The following VSIG1 variants were observed in gnomAD, a reference collection of about 807,000 sequenced individuals.
The protein encoded by VSIG1 is V-set and immunoglobulin domain-containing protein 1.
Under a neutral mutation model 20.1 loss-of-function variants are expected in VSIG1, and 11 were observed. The ratio of observed to expected loss-of-function variants is 0.55; its 90% CI spans 0.34 to 0.91. VSIG1 has a LOEUF of 0.91. VSIG1 is among the 40% of genes least tolerant of loss of function. VSIG1 has a pLI of 0.02. For synonymous variants in VSIG1, 126 were observed against 116.7 expected, an observed-to-expected ratio of 1.08 and a Z score of -0.52; for missense variants, 283 against 298.8, an observed-to-expected ratio of 0.95 and a Z score of 0.39.
chrX:108,027,315 T>C, the VSIG1 span, among the ~76,000 whole-genome samples: 1 of 112,244 alleles, frequency 8.9e-6, no homozygotes, highest in Admixed American at 9.5e-5. Flanking sequence ...AATGGAATAT[T>C]ATTTGGCCAT....
At chrX:108,050,078 G>T (rs1177501488) in intron 1 of VSIG1, among the ~76,000 whole-genome samples, 2 of 112,276 alleles carry the variant, frequency 1.8e-5, no homozygotes, top group Non-Finnish European at 3.8e-5. Flanking sequence ...CCAGCTTCTG[G>T]CAGGAAAGCA....
upstream of VSIG1, among the ~76,000 whole-genome samples, chrX:108,042,292 C>T (rs751523639): frequency 2.7e-5 from 3 of 111,571 alleles, no homozygotes; most frequent in Admixed American, 2.9e-4. Context: ...GGGCAATATC[C>T]TTAAATCATA....
intron 3 of VSIG1, among the ~76,000 whole-genome samples, chrX:108,072,176 T>C (rs1434216717): frequency 9.1e-6 from 1 of 110,267 alleles, no homozygotes; most frequent in African/African-American, 3.3e-5. Flanking sequence ...GCCTCTTGAC[T>C]AGAAGGGCCC....
intron 5 of VSIG1, chrX:108,073,753 T>G (rs1045062059): frequency 8.2e-6 from 1 of 122,189 alleles, no homozygotes; most frequent in Non-Finnish European, 1.7e-5. Context: ...CTGCCACTAA[T>G]AATAATAGTA....
At chrX:108,075,980 CT>C in intron 5 of VSIG1, 96 bp from the exon 6 acceptor site, 2 of 1,068,897 alleles carry the variant, frequency 1.9e-6, no homozygotes, top group Non-Finnish European at 2.5e-6. Context: ...CATTTTCCCA[CT>C]ATGTGAATGG....
intron 1 of VSIG1, among the ~76,000 whole-genome samples, chrX:108,046,346 C>T (rs780666575): frequency 8.1e-5 from 9 of 111,663 alleles, no homozygotes; most frequent in Admixed American, 2.8e-4. Flanking sequence ...ACACATGTTC[C>T]TATTTTCCCT....
At chrX:108,037,244 C>A in the VSIG1 span, among the ~76,000 whole-genome samples, 255 of 112,216 alleles carry the variant, frequency 2.3e-3, no homozygotes, top group African/African-American at 7.6e-3. Context: ...TTATACAAAA[C>A]CACAAAATAT....
At chrX:108,029,654 A>C in the VSIG1 span, among the ~76,000 whole-genome samples, 1 of 112,178 alleles carries the variant, frequency 8.9e-6, no homozygotes, top group Non-Finnish European at 1.9e-5. Flanking sequence ...CAGATTTATC[A>C]CACCCTTGCT....
upstream of VSIG1, among the ~76,000 whole-genome samples, chrX:108,044,809 G>A (rs779325269): frequency 8.9e-6 from 1 of 111,989 alleles, no homozygotes; most frequent in African/African-American, 3.2e-5. Flanking sequence ...CAAGTACAAC[G>A]TTTTAGTAAG....
intron 2 of VSIG1, among the ~76,000 whole-genome samples, chrX:108,061,774 A>T (rs12009241): frequency 0.011 from 1,240 of 110,247 alleles, 23 homozygotes; most frequent in African/African-American, 0.038. Flanking sequence ...GGCAGTGGCC[A>T]GCTCTTTCCA....
the VSIG1 span, among the ~76,000 whole-genome samples, chrX:108,025,197 C>T: frequency 3.6e-5 from 4 of 111,927 alleles, no homozygotes; most frequent in Non-Finnish European, 5.7e-5. Flanking sequence ...TCAATGGAAA[C>T]GTATCTTTTG....
chrX:108,031,975 A>G, the VSIG1 span, among the ~76,000 whole-genome samples: 3 of 111,973 alleles, frequency 2.7e-5, no homozygotes, highest in African/African-American at 9.7e-5. Flanking sequence ...CTCTGGCCCC[A>G]TATGGTAAAG....
chrX:108,030,768 C>G, the VSIG1 span, among the ~76,000 whole-genome samples: 2 of 111,564 alleles, frequency 1.8e-5, no homozygotes, highest in Admixed American at 1.9e-4. Flanking sequence ...GGAAATTGTT[C>G]TGGTTTCTCG....
the VSIG1 span, among the ~76,000 whole-genome samples, chrX:108,019,337 G>C: frequency 8.9e-6 from 1 of 112,315 alleles, no homozygotes; most frequent in Non-Finnish European, 1.9e-5. Flanking sequence ...TGTGTACTGG[G>C]GTGGAGGTAG....
chrX:108,063,910 C>T (rs1269982681), intron 2 of VSIG1, among the ~76,000 whole-genome samples: 1 of 111,671 alleles, frequency 9.0e-6, no homozygotes, highest in Non-Finnish European at 1.9e-5. Flanking sequence ...AAAGATGTGG[C>T]CCATTGTACA....
chrX:108,055,061 T>G (rs924975720), intron 1 of VSIG1, among the ~76,000 whole-genome samples: 2 of 110,011 alleles, frequency 1.8e-5, no homozygotes, highest in African/African-American at 6.6e-5. Context: ...CTGACAAACT[T>G]CTAGCAAGAC....
intron 3 of VSIG1, among the ~76,000 whole-genome samples, chrX:108,071,892 C>CAAAAAAAA (rs1203449181): frequency 1.4e-4 from 5 of 36,391 alleles, no homozygotes; most frequent in Non-Finnish European, 1.7e-4. Flanking sequence ...TGAACAAATG[C>CAAAAAAAA]AAAAAAAAAA....
At chrX:108,044,914 T>C, upstream of VSIG1, 1 of 299,984 alleles carries the variant, frequency 3.3e-6, no homozygotes, top group Non-Finnish European at 5.8e-6. Context: ...AGCAAATATA[T>C]CAAGGAAACA....
At chrX:108,063,417 G>A (rs1489161231) in intron 2 of VSIG1, among the ~76,000 whole-genome samples, 1 of 111,564 alleles carries the variant, frequency 9.0e-6, no homozygotes, top group Non-Finnish European at 1.9e-5. Context: ...TTTTGTATTA[G>A]AAAAGGATGA....
Sources: gnomAD v4.1 joint callset for allele counts (sites outside exome capture counted in the v4.1 genomes callset) on GRCh38, gnomAD v4.1.1 for gene constraint, MANE v1.5 for transcripts, NCBI Gene and HGNC (gene_info 2026-07-23, HGNC 2026-07-21) for gene names.